GALNT6: variants seen among roughly 807,000 people sequenced by gnomAD.
GALNT6 encodes the protein polypeptide N-acetylgalactosaminyltransferase 6, also known as GalNAc transferase 6.
A neutral mutation model predicts 65.9 loss-of-function variants in GALNT6; 51 were observed. The observed-to-expected ratio is 0.77, with a 90% confidence interval of 0.62 to 0.98. The LOEUF (loss-of-function observed/expected upper bound fraction) is 0.98, where lower values mean the gene tolerates loss of function less well. GALNT6 is among the 50% of genes least tolerant of loss of function. GALNT6 has a pLI of 0.00. For synonymous variants in GALNT6, 323 were observed against 315.1 expected (o/e 1.02, Z -0.26); for missense variants, 708 against 803.3 (o/e 0.88, Z 1.43).
intron 4 of GALNT6, among the ~76,000 whole-genome samples, chr12:51,365,855 C>G (rs1203085620): frequency 6.6e-6 from 1 of 152,098 alleles, no homozygotes; most frequent in Non-Finnish European, 1.5e-5. Context: ...ACCTGGGCAC[C>G]CTCTCTAATG....
chr12:51,357,588 T>C (rs943294376), intron 9 of GALNT6, 138 bp from the exon 10 acceptor site: 4 of 653,870 alleles, frequency 6.1e-6, no homozygotes, highest in Non-Finnish European at 1.1e-5. Context: ...GTCATTTCTC[T>C]CCTCTGTGCG....
At chr12:51,388,375 C>A (rs975725808) in intron 2 of GALNT6, among the ~76,000 whole-genome samples, 1 of 152,184 alleles carries the variant, frequency 6.6e-6, no homozygotes, top group Non-Finnish European at 1.5e-5. Flanking sequence ...AGGGGCTGGC[C>A]GGGTTGCTTC....
chr12:51,389,786 G>T (rs990571895), intron 2 of GALNT6, among the ~76,000 whole-genome samples: 4 of 152,162 alleles, frequency 2.6e-5, no homozygotes, highest in Non-Finnish European at 5.9e-5. Context: ...TCTTCCAGCT[G>T]AACTTGGGCA....
intron 2 of GALNT6, among the ~76,000 whole-genome samples, chr12:51,382,136 T>C (rs1321579092): frequency 1.3e-5 from 2 of 152,204 alleles, no homozygotes; most frequent in Non-Finnish European, 2.9e-5. Context: ...TTTGAGCATC[T>C]ATTTTGTATT....
Position 51,379,875 on chromosome 12 carries a change from G to T in GALNT6, c.-94C>A. 1 of 1,284,996 alleles carries T rather than the reference G, an allele frequency of 7.8e-7. No individual in the cohort carries two copies. Among genetic ancestry groups the T allele is most frequent in the Non-Finnish European group, 1.1e-6 (1 of 951,844 alleles). The allele number at this position is 1,284,996 out of a possible 1,614,324, so 79.6% of individuals were successfully genotyped here. The stretch of plus-strand genomic sequence containing the variant: ...GATACGTTGTGGTGGCCACAAGCTG[G>T]GGCCTCAGCCTGAGAAAGGAGGGGA... On this transcript the variant is annotated 5_prime_UTR_variant, in exon 3 of 12. Transcript: ENST00000356317.
Position 51,360,897 on chromosome 12 carries a change from C to T in GALNT6, c.1050-59G>A, listed in dbSNP as rs985299672. On this transcript the variant is annotated intron_variant, in intron 6 of 11. Coordinates refer to ENST00000356317, the MANE Select transcript of GALNT6 (RefSeq NM_007210.4). ...CTGGGAGAGGAGGAGCGGAGCCTGG[C>T]GGGGAAAGCTGTTTGTGGACTCCCC... 60 of 1,193,352 alleles carry T rather than the reference C, an allele frequency of 5.0e-5. 1 individual carries two copies. Among genetic ancestry groups the T allele is most frequent in the African/African-American group, 3.0e-4 (20 of 66,886 alleles). The allele number at this position is 1,193,352 out of a possible 1,614,324, so 73.9% of individuals were successfully genotyped here.
intron 4 of GALNT6, among the ~76,000 whole-genome samples, chr12:51,373,918 G>GGTGCAGTCAAGGCTCA (rs1290881452): frequency 3.9e-5 from 6 of 152,128 alleles, no homozygotes; most frequent in African/African-American, 1.4e-4. Context: ...GGAGTACAAT[G>GGTGCAGTCAAGGCTCA]GTGCAGTCAA....
In GALNT6 at chr12:51,357,873, C is replaced by T. The variant is rs139743633; in HGVS notation, c.1500+257G>A. ...CAGGAACTCTGGGGATGGGCCCTAG[C>T]GTTTTACCGTGCCTTCCTGGTGATT... is the stretch of plus-strand genomic sequence containing the variant. On this transcript the variant is annotated intron_variant, in intron 9 of 11. Transcript: ENST00000356317. 5.7e-4 allele frequency among the ~76,000 whole-genome samples: 87 copies of T among 152,274 alleles called. 2 individuals carry two copies. The East Asian group carries it at 0.014, about 25-fold the overall frequency.
In GALNT6 at chr12:51,378,817, C is replaced by T. The variant is rs1947548438; in HGVS notation, c.491+474G>A. Among the ~76,000 whole-genome samples the T allele has an allele frequency of 2.6e-5, 4 of 152,222 alleles. No homozygotes were observed. The South Asian group carries it at 6.2e-4, about 24-fold the overall frequency. On this transcript the variant is annotated intron_variant, in intron 3 of 11. Transcript: ENST00000356317. ...TGGAATCAATTCCGGCCTTGTGGGC[C>T]TTCACTGGAGGAAACCAGGTGTGAG...
intron 3 of GALNT6, among the ~76,000 whole-genome samples, chr12:51,378,450 C>T (rs548984964): frequency 6.6e-6 from 1 of 152,268 alleles, no homozygotes; most frequent in East Asian, 1.9e-4. Flanking sequence ...AGCCACTGTG[C>T]CTGGCCCCAG....
chr12:51,368,686 G>A (rs1295513757), intron 4 of GALNT6, among the ~76,000 whole-genome samples: 4 of 152,064 alleles, frequency 2.6e-5, no homozygotes, highest in African/African-American at 7.2e-5. Flanking sequence ...AATTACAGGC[G>A]TGAGCCACTA....
intron 4 of GALNT6, among the ~76,000 whole-genome samples, chr12:51,366,005 C>T (rs1947091876): frequency 6.6e-6 from 1 of 152,170 alleles, no homozygotes; most frequent in South Asian, 2.1e-4. Context: ...GCAACCTCCA[C>T]CTCCTGGGCT....
At chr12:51,356,000 C>T in intron 10 of GALNT6, 42 bp from the exon 11 acceptor site, 5 of 1,603,828 alleles carry the variant, frequency 3.1e-6, no homozygotes, top group East Asian at 2.2e-5. Flanking sequence ...AGTTCACCCC[C>T]AGCCTTCCAA....
intron 2 of GALNT6, among the ~76,000 whole-genome samples, chr12:51,384,076 C>A (rs925558366): frequency 3.3e-5 from 5 of 152,178 alleles, no homozygotes; most frequent in African/African-American, 7.2e-5. Flanking sequence ...CCCATCCACT[C>A]ATTTCCCTCT....
Position 51,358,160 on chromosome 12 carries a change from A to G in GALNT6, c.1470T>C (p.Val490=), listed in dbSNP as rs781237714. 14 of 1,614,036 alleles carry G rather than the reference A, an allele frequency of 8.7e-6. No homozygotes were observed. The South Asian group carries it at 1.5e-4, about 18-fold the overall frequency. The change falls in exon 9 of 12, where the codon GTT becomes GTC. Residue 490 remains valine, a synonymous_variant. Transcript: ENST00000356317. Reference sequence around the variant, plus strand: ...CATAGAAGGTGGGCGTCAGGTCAGGAACAAACATCTCTGGGTAGACATTGT... The same window carrying G: ...CATAGAAGGTGGGCGTCAGGTCAGGGACAAACATCTCTGGGTAGACATTGT... ...YLHNVYPEMF[V]PDLTPTFYGA...
At position 51,359,198 on chromosome 12, in the gene GALNT6, G is replaced by T; in HGVS notation, c.1302C>A (p.Val434=). ...IARNQVRLAE[V]WMDSYKKIFY... ...AAATCTTCTTGTAGCTGTCCATCCA[G>T]ACCTCTGCCAGGCGCACTTGATTGC... Residue 434 remains valine (V), a synonymous_variant, in exon 8 of 12, where the codon GTC becomes GTA. Transcript: ENST00000356317. The T allele has an allele frequency of 6.2e-7, 1 of 1,614,146 alleles. No individual in the cohort carries two copies. Among genetic ancestry groups the T allele is most frequent in the Non-Finnish European group, 8.5e-7 (1 of 1,180,004 alleles).
At chr12:51,389,558 A>G (rs1426169640) in intron 2 of GALNT6, among the ~76,000 whole-genome samples, 1 of 152,072 alleles carries the variant, frequency 6.6e-6, no homozygotes, top group Non-Finnish European at 1.5e-5. Flanking sequence ...ACACCTTCTC[A>G]TTTGCTCCCC....
chr12:51,380,026 T>C, intron 2 of GALNT6, 142 bp from the exon 3 acceptor site: 1 of 540,710 alleles, frequency 1.8e-6, no homozygotes, highest in Non-Finnish European at 3.3e-6. Flanking sequence ...CTACATTTCC[T>C]TCATCCATAA....
chr12:51,381,329 C>T (rs1265369474), intron 2 of GALNT6, among the ~76,000 whole-genome samples: 1 of 152,070 alleles, frequency 6.6e-6, no homozygotes, highest in Admixed American at 6.6e-5. Flanking sequence ...CAAGACATTC[C>T]CGGCAGGGCT....
Sources: allele counts gnomAD v4.1 joint callset (sites outside exome capture counted in the v4.1 genomes callset), GRCh38; gene constraint gnomAD v4.1.1; transcripts MANE v1.5; gene names NCBI Gene and HGNC (gene_info 2026-07-23, HGNC 2026-07-21).